The following TRIM46 variants were observed in gnomAD, a reference collection of about 807,000 sequenced individuals.
TRIM46 encodes tripartite motif-containing protein 46.
A neutral mutation model predicts 69.7 loss-of-function variants in TRIM46; 17 were observed. That is an observed-to-expected ratio of 0.24 (90% CI 0.17 to 0.37). The LOEUF (loss-of-function observed/expected upper bound fraction) is 0.37, where lower values mean the gene tolerates loss of function less well. Ranked by LOEUF, TRIM46 falls within the 10% of genes least tolerant of loss-of-function variation. TRIM46 has a pLI of 1.00. For synonymous variants in TRIM46, 391 were observed against 429.0 expected, an observed-to-expected ratio of 0.91 and a Z score of 1.09; for missense variants, 675 against 1,025.1, an observed-to-expected ratio of 0.66 and a Z score of 4.66.
chr1:155,180,372 G>A (rs963914110), intron 8 of TRIM46: 9 of 334,658 alleles, frequency 2.7e-5, no homozygotes, highest in Admixed American at 1.4e-4. Flanking sequence ...CGAGGCGGGC[G>A]GATCACAAGG....
At chr1:155,176,323 G>A in intron 3 of TRIM46, 92 bp downstream of exon 3, 1 of 1,207,454 alleles carries the variant, frequency 8.3e-7, no homozygotes, top group Non-Finnish European at 1.1e-6. Flanking sequence ...AAAAGGAAGT[G>A]GGAAGGGTTT....
At position 155,175,353 on chromosome 1, in the gene TRIM46, A is replaced by T. The variant is rs767293603; in HGVS notation, c.64-33A>T. The T allele has an allele frequency of 4.3e-6, 7 of 1,611,222 alleles. No homozygotes were observed. In the South Asian group the frequency reaches 6.6e-5, roughly 15 times the overall value. On this transcript the variant is annotated intron_variant, in intron 1 of 9. Coordinates refer to ENST00000334634, the MANE Select transcript of TRIM46 (RefSeq NM_025058.5). This position sits in a 1 kb window ranked among gnomAD's most constrained non-coding sequence, Gnocchi z 4.2. ...GCTGCTGAGGTATGCCTAAGTGTCC[A>T]AGCGCTGACCTAGCCTCCTGGTCCC...
chr1:155,174,181 A>T, intron 1 of TRIM46, 152 bp downstream of exon 1: 1 of 914,988 alleles, frequency 1.1e-6, no homozygotes, highest in Non-Finnish European at 1.7e-6. Context: ...GGATGCAGGT[A>T]TGAGAGGGTA....
In TRIM46 at chr1:155,173,884, C is replaced by T. The variant is rs1665389274; in HGVS notation, c.-83C>T. 5 of 1,406,694 alleles carry T rather than the reference C, an allele frequency of 3.6e-6. No individual in the cohort carries two copies. The African/African-American group carries it at 4.3e-5, about 12-fold the overall frequency. 87.1% of individuals were successfully genotyped at this position (1,406,694 alleles called of 1,614,324 possible). On this transcript the variant is annotated 5_prime_UTR_variant, in exon 1 of 10. Coordinates refer to ENST00000334634, the MANE Select transcript of TRIM46 (RefSeq NM_025058.5). ...CTCAACCCCCAGCCCTCCTCACACCCCCACTGGGCTCCTGCATTAAGCCCG... is the reference window on the plus strand; with the variant it reads ...CTCAACCCCCAGCCCTCCTCACACCTCCACTGGGCTCCTGCATTAAGCCCG...
rs1000453944 is a variant in TRIM46 at position 155,181,113 on chromosome 1, G to A, written c.1589-739G>A. 3.3e-5 allele frequency among the ~76,000 whole-genome samples: 5 copies of A among 151,586 alleles called. No homozygotes were observed. Among genetic ancestry groups the A allele is most frequent in the South Asian group, 4.2e-4 (2 of 4,794 alleles). The stretch of plus-strand genomic sequence containing the variant: ...TAATTAGCTGGGTGTGGTTGCAGGC[G>A]CCTGTAATCCCAGCTACTTGGAAGG... On this transcript the variant is annotated intron_variant, in intron 8 of 9. Coordinates refer to ENST00000334634, the MANE Select transcript of TRIM46 (RefSeq NM_025058.5). This position sits in a 1 kb window ranked among gnomAD's most constrained non-coding sequence, Gnocchi z 4.3.
chr1:155,184,274 C>A lies in TRIM46; in HGVS notation c.*84C>A. 7.2e-7 allele frequency: 1 copy of A among 1,386,554 alleles called. No individual in the cohort carries two copies. The highest frequency in any genetic ancestry group is 9.6e-7 in the Non-Finnish European group (1 of 1,047,064). The allele number at this position is 1,386,554 out of a possible 1,614,324, so 85.9% of individuals were successfully genotyped here. ...TTGGCACCCGGTTGTTACCCCCTGG[C>A]AGCTTCTCCCCCAAACTCTCCTACC... On this transcript the variant is annotated 3_prime_UTR_variant, in exon 10 of 10. Transcript: ENST00000334634. The surrounding 1 kb of genome is among the most constrained non-coding windows in gnomAD (Gnocchi z 5.6).
At position 155,175,825 on chromosome 1, in the gene TRIM46, A is replaced by G. The variant is rs777575078; in HGVS notation, c.326-63A>G. 3 of 1,575,860 alleles carry G rather than the reference A, an allele frequency of 1.9e-6. No homozygotes were observed. Among genetic ancestry groups the G allele is most frequent in the South Asian group, 2.3e-5 (2 of 87,980 alleles). On this transcript the variant is annotated intron_variant, in intron 2 of 9. Transcript: ENST00000334634. This position sits in a 1 kb window ranked among gnomAD's most constrained non-coding sequence, Gnocchi z 4.2. Reference sequence around the variant, plus strand: ...CAATGAAAATCTAATTTAATTAAACAGGCTTCCCCACACCCAGCCAGCTGT... The same window carrying G: ...CAATGAAAATCTAATTTAATTAAACGGGCTTCCCCACACCCAGCCAGCTGT...
chr1:155,179,039 C>T (rs374322169), intron 7 of TRIM46, among the ~76,000 whole-genome samples: 2 of 152,350 alleles, frequency 1.3e-5, no homozygotes, highest in South Asian at 4.1e-4. Context: ...TAATCCTGGC[C>T]CTTCTGACCT....
chr1:155,177,319 G>A (rs763155196), intron 5 of TRIM46, 29 bp downstream of exon 5: 33 of 1,583,650 alleles, frequency 2.1e-5, no homozygotes, highest in Non-Finnish European at 2.9e-5. Flanking sequence ...GTAGGCCCTG[G>A]GCCCTGCCTG....
Position 155,183,794 on chromosome 1 carries a change from C to T in TRIM46, c.1887-3C>T. Reference sequence around the variant, plus strand: ...ATCTCGTCCCCAACACCCGCTTCTGCAGGTACGACCCGGACAGCGGGCACG... The same window carrying T: ...ATCTCGTCCCCAACACCCGCTTCTGTAGGTACGACCCGGACAGCGGGCACG... On this transcript the variant is annotated splice_region_variant and splice_polypyrimidine_tract_variant and intron_variant, in intron 9 of 9. Transcript: ENST00000334634. 1.9e-6 allele frequency: 3 copies of T among 1,600,618 alleles called. No homozygotes were observed. The highest frequency in any genetic ancestry group is 2.5e-6 in the Non-Finnish European group (3 of 1,179,720).
At chr1:155,183,743 C>A (rs1385230433) in intron 9 of TRIM46, 54 bp from the exon 10 acceptor site, 18 of 1,586,532 alleles carry the variant, frequency 1.1e-5, no homozygotes, top group Non-Finnish European at 1.4e-5. Flanking sequence ...CCTCTGGTAC[C>A]TCATCCGTCA....
At chr1:155,174,596 G>T in intron 1 of TRIM46, 1 of 1,527,776 alleles carries the variant, frequency 6.5e-7, no homozygotes, top group Non-Finnish European at 8.7e-7. Flanking sequence ...CCTCCTTTGT[G>T]TCAGCTGCGC....
rs1571729014 is a variant in TRIM46 at position 155,175,026 on chromosome 1, G to C, written c.64-360G>C. The C allele has an allele frequency of 7.3e-7, 1 of 1,370,994 alleles. No individual in the cohort carries two copies. Among genetic ancestry groups the C allele is most frequent in the Non-Finnish European group, 9.3e-7 (1 of 1,069,568 alleles). 84.9% of individuals were successfully genotyped at this position (1,370,994 alleles called of 1,614,324 possible). A position where few individuals can be genotyped will look rare whatever the true frequency, so the allele number is the denominator to read the frequency against. The stretch of plus-strand genomic sequence containing the variant: ...GTCTGCATGGAGCTGCAGAATGGGC[G>C]GTGTCCTTGAGAAAAATGCCAGGGG... On this transcript the variant is annotated intron_variant, in intron 1 of 9. Coordinates refer to ENST00000334634, the MANE Select transcript of TRIM46 (RefSeq NM_025058.5). This position sits in a 1 kb window ranked among gnomAD's most constrained non-coding sequence, Gnocchi z 4.2.
chr1:155,178,051 T>C lies in TRIM46; in HGVS notation c.959T>C (p.Leu320Pro). ...GAGGTGTCGCAGCTGGTGCGGGGGC[T>C]GGGGGCTGTGCTGGAGGAGAAGCGG... ...KEEVSQLVRGLGAVLEEKRAS... is the reference protein window; with the variant it reads ...KEEVSQLVRGPGAVLEEKRAS... The change falls in exon 6 of 10, where the codon CTG becomes CCG. Residue 320 changes from leucine to proline, a missense_variant. Coordinates refer to ENST00000334634, the MANE Select transcript of TRIM46 (RefSeq NM_025058.5). The C allele has an allele frequency of 1.2e-6, 2 of 1,613,756 alleles. No individual in the cohort carries two copies. Among genetic ancestry groups the C allele is most frequent in the Non-Finnish European group, 1.7e-6 (2 of 1,179,968 alleles).
chr1:155,180,245 T>C (rs1212393017), intron 8 of TRIM46, among the ~76,000 whole-genome samples: 1 of 152,056 alleles, frequency 6.6e-6, no homozygotes, highest in African/African-American at 2.4e-5. Context: ...GGAGGGAGGA[T>C]TGCTTGAGGC....
intron 1 of TRIM46, among the ~76,000 whole-genome samples, chr1:155,174,319 G>C (rs1246561010): frequency 6.6e-6 from 1 of 152,176 alleles, no homozygotes; most frequent in African/African-American, 2.4e-5. Context: ...CGGGGCTGGG[G>C]CTTCAGGGGA....
rs374432261 is a variant in TRIM46 at position 155,179,892 on chromosome 1, G to A, written c.1546G>A (p.Glu516Lys). ...CGGCTGCAACAAGGCCGGCTACGGC[G>A]AATACAGTGAAGATGTGCACCTGCA... The part of the protein sequence containing the change: ...VRGCNKAGYG[E>K]YSEDVHLHTP... Residue 516 changes from glutamate (E) to lysine (K), a missense_variant, in exon 8 of 10, where the codon GAA (glutamate) becomes AAA (lysine). Transcript: ENST00000334634. 44 of 1,605,172 alleles carry A rather than the reference G, an allele frequency of 2.7e-5. No individual in the cohort carries two copies. Among genetic ancestry groups the A allele is most frequent in the East Asian group, 4.5e-5 (2 of 44,706 alleles).
In TRIM46 at chr1:155,181,009, T is replaced by A. The variant is rs1666131924; in HGVS notation, c.1589-843T>A. ...CAGCACTTTGGGAGGCCGAGGTGGATGGATCACGAGGTCAGGCGTTCAAGA... is the reference window on the plus strand; with the variant it reads ...CAGCACTTTGGGAGGCCGAGGTGGAAGGATCACGAGGTCAGGCGTTCAAGA... On this transcript the variant is annotated intron_variant, in intron 8 of 9. Coordinates refer to ENST00000334634, the MANE Select transcript of TRIM46 (RefSeq NM_025058.5). The surrounding 1 kb of genome is among the most constrained non-coding windows in gnomAD (Gnocchi z 4.3). 6.6e-6 allele frequency among the ~76,000 whole-genome samples: 1 copy of A among 152,088 alleles called. No homozygotes were observed. Among genetic ancestry groups the A allele is most frequent in the Admixed American group, 6.5e-5 (1 of 15,274 alleles).
At chr1:155,183,646 C>T in intron 9 of TRIM46, 151 bp from the exon 10 acceptor site, 2 of 996,276 alleles carry the variant, frequency 2.0e-6, no homozygotes, top group Non-Finnish European at 2.9e-6. Flanking sequence ...ATACTCTAAC[C>T]CCTGCCTCTT....
Sources: gnomAD v4.1 joint callset for allele counts (sites outside exome capture counted in the v4.1 genomes callset) on GRCh38, gnomAD v4.1.1 for gene constraint, Gnocchi (gnomAD v3.1) non-coding constraint, MANE v1.5 for transcripts, NCBI Gene and HGNC (gene_info 2026-07-23, HGNC 2026-07-21) for gene names.